Variants in POU2AF2 observed in about 807,000 individuals in gnomAD.
POU2AF2 encodes POU domain class 2-associating factor 2.
the POU2AF2 span, among the ~76,000 whole-genome samples, chr11:111,250,977 G>A: frequency 6.6e-6 from 1 of 152,270 alleles, no homozygotes; most frequent in South Asian, 2.1e-4. Flanking sequence ...TGAGGACTTT[G>A]GTTCTTCCTG....
chr11:111,259,763 T>G, the POU2AF2 span, among the ~76,000 whole-genome samples: 1 of 152,192 alleles, frequency 6.6e-6, no homozygotes, highest in East Asian at 1.9e-4. Context: ...CTAACCATGG[T>G]AGCTATTCTC....
chr11:111,285,474 G>A, the POU2AF2 span, among the ~76,000 whole-genome samples: 1 of 152,222 alleles, frequency 6.6e-6, no homozygotes, highest in African/African-American at 2.4e-5. Context: ...AGAGTAGGAA[G>A]GGAGGAAAAC....
the POU2AF2 span, among the ~76,000 whole-genome samples, chr11:111,247,684 G>A: frequency 6.6e-6 from 1 of 151,722 alleles, no homozygotes; most frequent in East Asian, 2.0e-4. Flanking sequence ...CTACTCGGGA[G>A]GCTGAGGCAG....
At chr11:111,247,872 A>C in the POU2AF2 span, among the ~76,000 whole-genome samples, 1 of 139,808 alleles carries the variant, frequency 7.2e-6, no homozygotes, top group African/African-American at 2.6e-5. Flanking sequence ...GGAGACTATA[A>C]GTGGCCTTTT....
At chr11:111,282,082 G>C in the POU2AF2 span, among the ~76,000 whole-genome samples, 1 of 151,936 alleles carries the variant, frequency 6.6e-6, no homozygotes, top group Non-Finnish European at 1.5e-5. Flanking sequence ...TTGAAATTTG[G>C]TGGCATCTCC....
At chr11:111,248,235 A>G in the POU2AF2 span, among the ~76,000 whole-genome samples, 1 of 152,248 alleles carries the variant, frequency 6.6e-6, no homozygotes, top group South Asian at 2.1e-4. Flanking sequence ...TAGTGGGCGT[A>G]AGGCTTACTA....
chr11:111,277,462 G>T, the POU2AF2 span, among the ~76,000 whole-genome samples: 186 of 152,326 alleles, frequency 1.2e-3, no homozygotes, highest in Admixed American at 2.7e-3. Flanking sequence ...GAGAAAGACA[G>T]AAAAACTTTT....
At chr11:111,267,660 G>A in the POU2AF2 span, among the ~76,000 whole-genome samples, 1 of 152,130 alleles carries the variant, frequency 6.6e-6, no homozygotes, top group Non-Finnish European at 1.5e-5. Context: ...AGATTCCTGA[G>A]CCCAGTGAAA....
chr11:111,257,557 G>A, the POU2AF2 span, among the ~76,000 whole-genome samples: 1 of 151,816 alleles, frequency 6.6e-6, no homozygotes, highest in East Asian at 1.9e-4. Flanking sequence ...TGTATTTTTA[G>A]TAGAGAAGGG....
chr11:111,286,168 C>T, the POU2AF2 span: 1 of 1,245,352 alleles, frequency 8.0e-7, no homozygotes, highest in Non-Finnish European at 1.1e-6. Context: ...CTCAATGCTG[C>T]TCTTTGTTAG....
At chr11:111,249,327 G>A in the POU2AF2 span, among the ~76,000 whole-genome samples, 1 of 152,164 alleles carries the variant, frequency 6.6e-6, no homozygotes, top group African/African-American at 2.4e-5. Flanking sequence ...AAAAAAGAAG[G>A]TGGGAGGTAG....
chr11:111,248,008 C>T, the POU2AF2 span, among the ~76,000 whole-genome samples: 1 of 151,208 alleles, frequency 6.6e-6, no homozygotes, highest in African/African-American at 2.4e-5. Context: ...CTCAGCCTCC[C>T]GAGTAGTTGG....
At chr11:111,285,654 G>A in the POU2AF2 span, 1 of 1,610,750 alleles carries the variant, frequency 6.2e-7, no homozygotes, top group South Asian at 1.1e-5. Context: ...TCTCCTCAGA[G>A]GGACTCATGG....
chr11:111,265,485 A>G, the POU2AF2 span, among the ~76,000 whole-genome samples: 1 of 152,116 alleles, frequency 6.6e-6, no homozygotes, highest in African/African-American at 2.4e-5. Flanking sequence ...TGTGTGTGAA[A>G]TTGATCTCAC....
the POU2AF2 span, among the ~76,000 whole-genome samples, chr11:111,269,493 T>C: frequency 6.6e-6 from 1 of 152,188 alleles, no homozygotes; most frequent in Non-Finnish European, 1.5e-5. Context: ...AACTTATTTT[T>C]TCAGCTGCTC....
At chr11:111,269,702 C>T in the POU2AF2 span, among the ~76,000 whole-genome samples, 915 of 152,192 alleles carry the variant, frequency 6.0e-3, 2 homozygotes, top group African/African-American at 0.021. Context: ...AACTTAGCTA[C>T]ATAAATACAA....
the POU2AF2 span, chr11:111,284,486 T>G: frequency 7.6e-7 from 1 of 1,313,310 alleles, no homozygotes; most frequent in Non-Finnish European, 1.0e-6. Context: ...GCTCACCCTG[T>G]AGACTCCAGA....
At chr11:111,258,424 T>C in the POU2AF2 span, among the ~76,000 whole-genome samples, 2 of 152,196 alleles carry the variant, frequency 1.3e-5, no homozygotes, top group Non-Finnish European at 2.9e-5. Context: ...CCTTGTATCA[T>C]TATCAATGCC....
the POU2AF2 span, among the ~76,000 whole-genome samples, chr11:111,258,070 T>A: frequency 6.6e-6 from 1 of 151,996 alleles, no homozygotes; most frequent in Non-Finnish European, 1.5e-5. Context: ...GTGATCTGAG[T>A]TCGTGACACT....
Sources: gnomAD v4.1 joint callset for allele counts (sites outside exome capture counted in the v4.1 genomes callset) on GRCh38, gnomAD v4.1.1 for gene constraint, MANE v1.5 for transcripts, NCBI Gene and HGNC (gene_info 2026-07-23, HGNC 2026-07-21) for gene names.